The following NCK1 variants were observed in gnomAD, a reference collection of about 807,000 sequenced individuals.
The protein encoded by NCK1 is SH2/SH3 adapter protein NCK1.
In NCK1, 19 loss-of-function variants were observed where a neutral mutation model predicts 36.6. The ratio of observed to expected loss-of-function variants is 0.52; its 90% CI spans 0.36 to 0.76. The LOEUF (loss-of-function observed/expected upper bound fraction) is 0.76. NCK1 is among the 30% of genes least tolerant of loss of function. NCK1 has a pLI of 0.00. For missense variants in NCK1, 358 were observed against 445.6 expected, an observed-to-expected ratio of 0.80 and a Z score of 1.77; for synonymous variants, 165 against 156.0, an observed-to-expected ratio of 1.06 and a Z score of -0.43.
At chr3:136,894,993 A>G (rs1261501742) in intron 1 of NCK1, among the ~76,000 whole-genome samples, 1 of 152,062 alleles carries the variant, frequency 6.6e-6, no homozygotes, top group African/African-American at 2.4e-5. Flanking sequence ...CTCCTGCCTC[A>G]GCCTCCCAAG....
intron 1 of NCK1, chr3:136,899,298 G>A (rs1054727529): frequency 8.3e-6 from 2 of 241,010 alleles, no homozygotes; most frequent in Non-Finnish European, 8.6e-6. Context: ...CTCTTTTGGC[G>A]AGGACTGAGA....
rs1940881800 is a variant in NCK1, at chr3:136,948,325, G to C, written c.1006G>C (p.Glu336Gln). Residue 336 changes from glutamate to glutamine, a missense_variant, in exon 4 of 4, where the codon GAG (glutamate) becomes CAG (glutamine). Around this residue, in one of 3 missense-constraint regions of NCK1, gnomAD observed 207 missense variants for 253.4 expected, o/e 0.82. Coordinates refer to ENST00000481752, the MANE Select transcript of NCK1 (RefSeq NM_001291999.2). ...KNKHFKVQLK[E>Q]TVYCIGQRKF... ...CAAGCATTTTAAAGTCCAACTAAAA[G>C]AGACTGTCTACTGCATTGGGCAGCG... The C allele has an allele frequency of 6.2e-7, 1 of 1,611,830 alleles. No individual in the cohort carries two copies. The highest frequency in any genetic ancestry group is 8.5e-7 in the Non-Finnish European group (1 of 1,178,746).
chr3:136,928,140 A>G lies in NCK1; in HGVS notation c.139A>G (p.Lys47Glu). 1 of 1,614,190 alleles carries G rather than the reference A, an allele frequency of 6.2e-7. No homozygotes were observed. The highest frequency in any genetic ancestry group is 8.5e-7 in the Non-Finnish European group (1 of 1,180,030). Residue 47 changes from lysine (K) to glutamate (E), a missense_variant, in exon 2 of 4, where the codon AAA becomes GAA. Transcript: ENST00000481752. Reference sequence around the variant, plus strand: ...GTGGCGAGTTCGAAATTCCATGAATAAAACAGGTTTTGTGCCTTCTAACTA... The same window carrying G: ...GTGGCGAGTTCGAAATTCCATGAATGAAACAGGTTTTGTGCCTTCTAACTA... The part of the protein sequence containing the change: ...SWWRVRNSMN[K>E]TGFVPSNYVE...
chr3:136,948,215 G>T, intron 3 of NCK1, 44 bp from the exon 4 acceptor site: 5 of 1,432,746 alleles, frequency 3.5e-6, no homozygotes, highest in Non-Finnish European at 4.7e-6. Flanking sequence ...CTGATAGAGG[G>T]CTTTCAAAAT....
intron 1 of NCK1, among the ~76,000 whole-genome samples, chr3:136,892,811 T>A (rs1257174489): frequency 6.6e-6 from 1 of 152,130 alleles, no homozygotes; most frequent in Non-Finnish European, 1.5e-5. Flanking sequence ...ACATGAGACT[T>A]TTAAAATACT....
rs138384799 is a variant in NCK1 at position 136,879,810 on chromosome 3, G to A, written c.-19+17457G>A. Among the ~76,000 whole-genome samples, 694 of 152,014 alleles carry A rather than the reference G, an allele frequency of 4.6e-3. 8 individuals carry two copies. The highest frequency in any genetic ancestry group is 0.016 in the African/African-American group (679 of 41,392). On this transcript the variant is annotated intron_variant, in intron 1 of 3. Coordinates refer to ENST00000481752, the MANE Select transcript of NCK1 (RefSeq NM_001291999.2). The stretch of plus-strand genomic sequence containing the variant: ...TGAACAATGAGAACACATGGACACA[G>A]GGAGGGGAACATCACACATTGGGGC...
intron 1 of NCK1, among the ~76,000 whole-genome samples, chr3:136,878,699 CAATA>C (rs1028161088): frequency 3.2e-4 from 18 of 55,742 alleles, no homozygotes; most frequent in African/African-American, 1.0e-3. Flanking sequence ...AGTTGTATCT[CAATA>C]AAGCTATTTT....
intron 1 of NCK1, among the ~76,000 whole-genome samples, chr3:136,895,235 A>G (rs954780267): frequency 1.1e-4 from 16 of 152,304 alleles, no homozygotes; most frequent in South Asian, 2.1e-4. Context: ...GTAGTCAACT[A>G]TATGATTCCA....
chr3:136,928,418 A>C (rs1201357473), intron 2 of NCK1, 191 bp downstream of exon 2: 9 of 579,246 alleles, frequency 1.6e-5, no homozygotes, highest in Non-Finnish European at 2.4e-5. Context: ...AGTTTCTGTA[A>C]ATCTAGGCCC....
At chr3:136,947,340 A>G (rs529981762) in intron 3 of NCK1, among the ~76,000 whole-genome samples, 1 of 152,310 alleles carries the variant, frequency 6.6e-6, no homozygotes, top group South Asian at 2.1e-4. Context: ...CAACAACAAA[A>G]CTAATTAAAA....
intron 1 of NCK1, among the ~76,000 whole-genome samples, chr3:136,924,009 G>A (rs944208740): frequency 4.6e-5 from 7 of 152,192 alleles, no homozygotes; most frequent in Non-Finnish European, 8.8e-5. Flanking sequence ...GTTTCTGAAA[G>A]CAGGTAGAGC....
At chr3:136,919,110 C>T (rs545806148) in intron 1 of NCK1, among the ~76,000 whole-genome samples, 1 of 152,208 alleles carries the variant, frequency 6.6e-6, no homozygotes, top group South Asian at 2.1e-4. Context: ...TCAGCGTCTG[C>T]ATAAAACATT....
intron 1 of NCK1, among the ~76,000 whole-genome samples, chr3:136,905,076 G>A (rs188722982): frequency 8.1e-4 from 120 of 148,328 alleles, no homozygotes; most frequent in Admixed American, 1.8e-3. Context: ...GCTATGGCAC[G>A]ATCTCAGCTA....
At chr3:136,882,547 C>CTGTGTGTGTGTGTG (rs35463509) in intron 1 of NCK1, among the ~76,000 whole-genome samples, 4 of 143,492 alleles carry the variant, frequency 2.8e-5, no homozygotes, top group African/African-American at 1.0e-4. Context: ...TCCCACATCA[C>CTGTGTGTGTGTGTG]TGTGTGTGTG....
At chr3:136,869,668 A>G (rs770270613) in intron 1 of NCK1, among the ~76,000 whole-genome samples, 14 of 152,166 alleles carry the variant, frequency 9.2e-5, no homozygotes, top group Non-Finnish European at 1.3e-4. Flanking sequence ...GAAACCATGT[A>G]TGGTTGCTTT....
chr3:136,931,579 T>C (rs1940391984), intron 2 of NCK1, among the ~76,000 whole-genome samples: 1 of 152,240 alleles, frequency 6.6e-6, no homozygotes, highest in African/African-American at 2.4e-5. Flanking sequence ...TTTTTCATTT[T>C]TTGGGTAAGT....
intron 1 of NCK1, among the ~76,000 whole-genome samples, chr3:136,883,438 T>TA (rs1216154675): frequency 1.3e-5 from 2 of 152,302 alleles, no homozygotes; most frequent in East Asian, 3.9e-4. Flanking sequence ...TCTTCATCCT[T>TA]AAAATGCCCA....
chr3:136,876,413 TAA>T (rs1357006853), intron 1 of NCK1, among the ~76,000 whole-genome samples: 1 of 152,100 alleles, frequency 6.6e-6, no homozygotes, highest in African/African-American at 2.4e-5. Flanking sequence ...CTAGCAAGAC[TAA>T]TAAAGAAAAA....
At chr3:136,943,083 T>G (rs1181630241) in intron 2 of NCK1, among the ~76,000 whole-genome samples, 2 of 152,090 alleles carry the variant, frequency 1.3e-5, no homozygotes, top group Non-Finnish European at 2.9e-5. Context: ...GATAGCACTC[T>G]CTTTACCACA....
Sources: allele counts gnomAD v4.1 joint callset (sites outside exome capture counted in the v4.1 genomes callset), GRCh38; gene constraint gnomAD v4.1.1; regional missense constraint gnomAD v4.1.1; transcripts MANE v1.5; gene names NCBI Gene and HGNC (gene_info 2026-07-23, HGNC 2026-07-21).